ZNF420: variants seen among roughly 807,000 people sequenced by gnomAD.
ZNF420 encodes the protein ATM and p53-associated KZNF protein.
Under a neutral mutation model 44.7 loss-of-function variants are expected in ZNF420, and 31 were observed. The observed-to-expected ratio is 0.69, with a 90% confidence interval of 0.52 to 0.94. The LOEUF (loss-of-function observed/expected upper bound fraction) is 0.94. Among genes scored for constraint, ZNF420 ranks in the 40% least tolerant of loss-of-function variants. The pLI, the probability that ZNF420 is intolerant of heterozygous loss-of-function variation, is 0.00. For synonymous variants in ZNF420, 245 were observed against 267.4 expected (o/e 0.92, Z 0.82); for missense variants, 681 against 827.9 (o/e 0.82, Z 2.18).
rs113953981 is a variant in ZNF420 at position 37,085,936 on chromosome 19, T to TTTTTTA, written c.-80-3101_-80-3100insTTTATT. On this transcript the variant is annotated intron_variant, in intron 2 of 4. Transcript: ENST00000337995. Reference sequence around the variant, plus strand: ...TTGCATCACAATGCCTGGCTGATGTTTTATTATTATTATTATTATTATTAT... The same window carrying TTTTTTA: ...TTGCATCACAATGCCTGGCTGATGTTTTTTTATTATTATTATTATTATTATTATTAT... Among the ~76,000 whole-genome samples the TTTTTTA allele has an allele frequency of 9.9e-3, 1,363 of 137,720 alleles. 10 individuals carry two copies. The highest frequency in any genetic ancestry group is 0.032 in the Middle Eastern group (9 of 280). 90.3% of individuals were successfully genotyped at this position (137,720 alleles called of 152,430 possible).
intron 4 of ZNF420, among the ~76,000 whole-genome samples, chr19:37,123,813 T>C (rs2145323287): frequency 6.6e-6 from 1 of 151,894 alleles, no homozygotes; most frequent in African/African-American, 2.4e-5. Context: ...TTCACGAGTG[T>C]TAGCCAAGAT....
chr19:37,102,022 G>A (rs1301279362), intron 4 of ZNF420, among the ~76,000 whole-genome samples: 1 of 152,152 alleles, frequency 6.6e-6, no homozygotes, highest in Non-Finnish European at 1.5e-5. Context: ...CTTAGACTGG[G>A]CCCTCTCGGG....
chr19:37,024,295 G>T (rs1342957347), intron 1 of ZNF420, among the ~76,000 whole-genome samples: 1 of 152,064 alleles, frequency 6.6e-6, no homozygotes, highest in Non-Finnish European at 1.5e-5. Context: ...TCTCTAAAAT[G>T]TGTAAAGCAA....
At position 37,128,774 on chromosome 19, in the gene ZNF420, G is replaced by A. The variant is rs771142519; in HGVS notation, c.1783G>A (p.Ala595Thr). The change falls in exon 5 of 5, where the codon GCC (alanine) becomes ACC (threonine). Residue 595 changes from alanine to threonine, a missense_variant. Coordinates refer to ENST00000337995, the MANE Select transcript of ZNF420 (RefSeq NM_144689.5). ...CTATGAATGCAAGGAGTGTGGCAAG[G>A]CCTTTAGTCATGGCTCTCAGCTTAC... ...KPYECKECGK[A>T]FSHGSQLTLH... 2 of 1,612,656 alleles carry A rather than the reference G, an allele frequency of 1.2e-6. No homozygotes were observed. The highest frequency in any genetic ancestry group is 8.5e-7 in the Non-Finnish European group (1 of 1,179,702).
At chr19:37,051,970 T>C (rs912534043) in intron 1 of ZNF420, among the ~76,000 whole-genome samples, 9 of 152,302 alleles carry the variant, frequency 5.9e-5, no homozygotes, top group African/African-American at 2.2e-4. Flanking sequence ...GGTGTTAAAG[T>C]CTCCCATTAT....
At chr19:37,063,231 T>C (rs1453927053) in intron 1 of ZNF420, among the ~76,000 whole-genome samples, 2 of 152,040 alleles carry the variant, frequency 1.3e-5, no homozygotes, top group Non-Finnish European at 2.9e-5. Context: ...TTAAAAGAAA[T>C]TAAAGAGTGT....
At chr19:37,038,986 C>CA (rs200675234) in intron 1 of ZNF420, among the ~76,000 whole-genome samples, 47,648 of 144,096 alleles carry the variant, frequency 0.33, 7,738 homozygotes, top group Non-Finnish European at 0.35. Context: ...AACTCTGTCT[C>CA]AAAAAAAAAA....
At chr19:37,014,173 G>T (rs2074592613) in intron 1 of ZNF420, among the ~76,000 whole-genome samples, 1 of 152,054 alleles carries the variant, frequency 6.6e-6, no homozygotes, top group Non-Finnish European at 1.5e-5. Flanking sequence ...CCTTCACCCA[G>T]CCAAAACGGA....
chr19:37,069,270 A>T (rs1399730205), intron 1 of ZNF420, among the ~76,000 whole-genome samples: 1 of 152,216 alleles, frequency 6.6e-6, no homozygotes, highest in African/African-American at 2.4e-5. Flanking sequence ...CCACAAAAGT[A>T]GCTATGTTTG....
At chr19:37,113,768 G>C (rs1970508080) in intron 4 of ZNF420, among the ~76,000 whole-genome samples, 1 of 152,158 alleles carries the variant, frequency 6.6e-6, no homozygotes, top group African/African-American at 2.4e-5. Context: ...ATTTTGACCT[G>C]TTCCTAATAG....
At chr19:37,038,123 C>G (rs1332081528) in intron 1 of ZNF420, among the ~76,000 whole-genome samples, 3 of 114,678 alleles carry the variant, frequency 2.6e-5, no homozygotes, top group Non-Finnish European at 5.7e-5. Flanking sequence ...GAGCGAGACT[C>G]CGTCTCAAAA....
intron 1 of ZNF420, among the ~76,000 whole-genome samples, chr19:37,026,325 T>A (rs1379280324): frequency 2.7e-5 from 4 of 146,548 alleles, no homozygotes; most frequent in Non-Finnish European, 4.5e-5. Context: ...GCCCGGCTCT[T>A]TTTTTTTTTT....
chr19:37,105,303 G>C (rs1294276733), intron 4 of ZNF420, among the ~76,000 whole-genome samples: 1 of 152,088 alleles, frequency 6.6e-6, no homozygotes, highest in Non-Finnish European at 1.5e-5. Context: ...AAGATCAGAT[G>C]GTTGTAGATG....
upstream of ZNF420, among the ~76,000 whole-genome samples, chr19:37,076,781 C>T (rs1292958857): frequency 4.6e-5 from 7 of 152,172 alleles, no homozygotes; most frequent in African/African-American, 1.7e-4. Flanking sequence ...CATTGATGGA[C>T]ATTTGGGTTG....
At chr19:37,060,950 A>G (rs2146440522) in intron 1 of ZNF420, among the ~76,000 whole-genome samples, 1 of 152,114 alleles carries the variant, frequency 6.6e-6, no homozygotes, top group Non-Finnish European at 1.5e-5. Context: ...TGGAGGGTTG[A>G]GGGTGGGGTG....
At chr19:37,091,149 G>C (rs1301055041) in intron 4 of ZNF420, 28 bp downstream of exon 4, 1 of 1,517,706 alleles carries the variant, frequency 6.6e-7, no homozygotes, top group East Asian at 2.4e-5. Flanking sequence ...CATATTTCAG[G>C]ATCTACCTTT....
chr19:37,022,487 T>G (rs988710184), intron 1 of ZNF420, among the ~76,000 whole-genome samples: 1 of 152,192 alleles, frequency 6.6e-6, no homozygotes, highest in African/African-American at 2.4e-5. Context: ...TTGCTTGAGT[T>G]TATCCAGAAT....
At chr19:37,120,002 TCCAGGA>T (rs1970936412) in intron 4 of ZNF420, among the ~76,000 whole-genome samples, 1 of 151,344 alleles carries the variant, frequency 6.6e-6, no homozygotes, top group African/African-American at 2.4e-5. Flanking sequence ...CCAAAAAGAG[TCCAGGA>T]CCAGATGGAT....
intron 1 of ZNF420, among the ~76,000 whole-genome samples, chr19:37,020,735 CAT>C (rs2146382505): frequency 6.6e-6 from 1 of 152,320 alleles, no homozygotes; most frequent in East Asian, 1.9e-4. Context: ...GAAATTCTGA[CAT>C]ATGCTGCAAC....
Sources: allele counts gnomAD v4.1 joint callset (sites outside exome capture counted in the v4.1 genomes callset), GRCh38; gene constraint gnomAD v4.1.1; transcripts MANE v1.5; gene names NCBI Gene and HGNC (gene_info 2026-07-23, HGNC 2026-07-21).